Variants in SH3PXD2A observed in about 807,000 individuals in gnomAD.
SH3PXD2A encodes SH3 and PX domains 2A.
Under a neutral mutation model 115.2 loss-of-function variants are expected in SH3PXD2A, and 32 were observed. That is an observed-to-expected ratio of 0.28 (90% CI 0.21 to 0.37). SH3PXD2A has a LOEUF of 0.37. Among genes scored for constraint, SH3PXD2A ranks in the 10% least tolerant of loss-of-function variants. The pLI is 1.00. For synonymous variants in SH3PXD2A, 610 were observed against 629.1 expected (o/e 0.97, Z 0.45); for missense variants, 1,328 against 1,498.7 (o/e 0.89, Z 1.88).
intron 5 of SH3PXD2A, among the ~76,000 whole-genome samples, chr10:103,719,488 AAC>A (rs2038151494): frequency 6.6e-6 from 1 of 152,172 alleles, no homozygotes; most frequent in Non-Finnish European, 1.5e-5. Context: ...GCTGAATGAC[AAC>A]AATCATTCAT....
At chr10:103,727,768 A>G (rs944224325) in intron 4 of SH3PXD2A, among the ~76,000 whole-genome samples, 2 of 152,232 alleles carry the variant, frequency 1.3e-5, no homozygotes, top group Non-Finnish European at 2.9e-5. Context: ...CAACCGCAGC[A>G]TCTTTATTTA....
intron 5 of SH3PXD2A, among the ~76,000 whole-genome samples, chr10:103,709,686 T>C (rs576235883): frequency 5.9e-5 from 9 of 152,354 alleles, no homozygotes; most frequent in Admixed American, 3.3e-4. Context: ...TTCTAGCCCA[T>C]ATTTGCCAGT....
rs564098681 is a variant in SH3PXD2A at position 103,755,958 on chromosome 10, C to T, written c.229+11136G>A. Reference sequence around the variant, plus strand: ...CCTGTCCCTGACAGGTAGAGAAAGGCGAGGCTGCCAGCCAACCCCCACCCT... The same window carrying T: ...CCTGTCCCTGACAGGTAGAGAAAGGTGAGGCTGCCAGCCAACCCCCACCCT... On this transcript the variant is annotated intron_variant, in intron 3 of 14. Transcript: ENST00000369774. 3.9e-5 allele frequency among the ~76,000 whole-genome samples: 6 copies of T among 152,274 alleles called. No individual in the cohort carries two copies. The East Asian group carries it at 9.7e-4, about 25-fold the overall frequency.
chr10:103,827,418 A>G (rs2039441236), intron 1 of SH3PXD2A, among the ~76,000 whole-genome samples: 1 of 152,122 alleles, frequency 6.6e-6, no homozygotes, highest in Non-Finnish European at 1.5e-5. Flanking sequence ...TGCAAAGAGA[A>G]TGTGGTTTGG....
rs2038639516 is a variant in SH3PXD2A at position 103,756,232 on chromosome 10, A to G, written c.229+10862T>C. Among the ~76,000 whole-genome samples, 1 of 152,142 alleles carries G rather than the reference A, an allele frequency of 6.6e-6. No individual in the cohort carries two copies. Among genetic ancestry groups the G allele is most frequent in the African/African-American group, 2.4e-5 (1 of 41,446 alleles). On this transcript the variant is annotated intron_variant, in intron 3 of 14. Transcript: ENST00000369774. This position sits in a 1 kb window ranked among gnomAD's most constrained non-coding sequence, Gnocchi z 4.4. ...GGATGAATGATACATCAGTTCACAC[A>G]GGTGATGCCTAGAGCCAGCTCAGTC...
chr10:103,756,342 T>C lies in SH3PXD2A; in HGVS notation c.229+10752A>G, dbSNP rs1299980541. On this transcript the variant is annotated intron_variant, in intron 3 of 14. Transcript: ENST00000369774. This position sits in a 1 kb window ranked among gnomAD's most constrained non-coding sequence, Gnocchi z 4.4. ...GACCCAGGAGGGCAGTGTGCGGGAT[T>C]AGGCCAGGGACACTGTGGGAGTTTA... Among the ~76,000 whole-genome samples, 1 of 152,188 alleles carries C rather than the reference T, an allele frequency of 6.6e-6. No individual in the cohort carries two copies. The highest frequency in any genetic ancestry group is 1.5e-5 in the Non-Finnish European group (1 of 68,024).
chr10:103,668,572 A>G, intron 7 of SH3PXD2A, 36 bp downstream of exon 7: 8 of 1,537,828 alleles, frequency 5.2e-6, no homozygotes, highest in Non-Finnish European at 7.1e-6. Flanking sequence ...CCTGGAACAC[A>G]CATGCTCACA....
chr10:103,735,705 C>CA, intron 4 of SH3PXD2A, 27 bp downstream of exon 4: 3 of 1,508,600 alleles, frequency 2.0e-6, no homozygotes, highest in Non-Finnish European at 1.8e-6. Context: ...CCCCGAGCCC[C>CA]TCCCCCAGCC....
intron 3 of SH3PXD2A, among the ~76,000 whole-genome samples, chr10:103,760,427 A>G (rs2038687292): frequency 6.6e-6 from 1 of 152,060 alleles, no homozygotes; most frequent in Admixed American, 6.6e-5. Context: ...AAAATTAGCC[A>G]GGCATGGTGG....
At chr10:103,725,504 G>T (rs932384050) in intron 4 of SH3PXD2A, among the ~76,000 whole-genome samples, 38 of 152,260 alleles carry the variant, frequency 2.5e-4, no homozygotes, top group African/African-American at 9.1e-4. Context: ...AGAGTCTGCA[G>T]CTGGAAAGTG....
At chr10:103,758,888 T>C in intron 3 of SH3PXD2A, among the ~76,000 whole-genome samples, 1 of 152,202 alleles carries the variant, frequency 6.6e-6, no homozygotes, top group East Asian at 1.9e-4. Context: ...TTTCCTGACA[T>C]CCCAGGTCAC....
chr10:103,799,094 C>T (rs973474487), intron 2 of SH3PXD2A, among the ~76,000 whole-genome samples: 2 of 152,206 alleles, frequency 1.3e-5, no homozygotes, highest in East Asian at 1.9e-4. Flanking sequence ...GGAGCCTGTC[C>T]GGAGTTACGT....
At chr10:103,662,566 A>AT (rs1211978286) in intron 7 of SH3PXD2A, among the ~76,000 whole-genome samples, 2 of 150,140 alleles carry the variant, frequency 1.3e-5, no homozygotes, top group Non-Finnish European at 3.0e-5. Flanking sequence ...CGCCCGGCTA[A>AT]TTTTTTGTAT....
At chr10:103,806,419 G>A (rs1341946633) in intron 1 of SH3PXD2A, among the ~76,000 whole-genome samples, 1 of 151,810 alleles carries the variant, frequency 6.6e-6, no homozygotes, top group Non-Finnish European at 1.5e-5. Flanking sequence ...CTCAACACCA[G>A]AGCTTCTTAA....
chr10:103,741,992 A>G (rs900761367), intron 3 of SH3PXD2A, among the ~76,000 whole-genome samples: 1 of 152,032 alleles, frequency 6.6e-6, no homozygotes, highest in African/African-American at 2.4e-5. Flanking sequence ...AAAATGCTAT[A>G]AAAAAAATCA....
At chr10:103,650,211 G>GCCCTGCTCC (rs2037099015) in intron 8 of SH3PXD2A, among the ~76,000 whole-genome samples, 2 of 151,524 alleles carry the variant, frequency 1.3e-5, no homozygotes, top group African/African-American at 4.9e-5. Flanking sequence ...CAGCTGGAGA[G>GCCCTGCTCC]CCCTGCTCCC....
intron 8 of SH3PXD2A, among the ~76,000 whole-genome samples, chr10:103,631,096 C>A (rs985677380): frequency 1.3e-5 from 2 of 152,108 alleles, no homozygotes; most frequent in Non-Finnish European, 2.9e-5. Flanking sequence ...GAGACCCTAT[C>A]TCTACCAAAA....
At chr10:103,633,744 A>C (rs1194039883) in intron 8 of SH3PXD2A, among the ~76,000 whole-genome samples, 4 of 149,984 alleles carry the variant, frequency 2.7e-5, no homozygotes, top group African/African-American at 7.3e-5. Flanking sequence ...AAAAAAAAAA[A>C]AAAAAAAAAA....
Position 103,603,687 on chromosome 10 carries a change from T to C in SH3PXD2A, c.1531A>G (p.Ser511Gly), listed in dbSNP as rs2036256261. The C allele has an allele frequency of 6.2e-7, 1 of 1,608,840 alleles. No individual in the cohort carries two copies. The highest frequency in any genetic ancestry group is 8.5e-7 in the Non-Finnish European group (1 of 1,178,744). The change falls in exon 15 of 15, where the codon AGC (serine) becomes GGC (glycine). Residue 511 changes from serine to glycine, a missense_variant. This residue lies in a region of SH3PXD2A where 509 missense variants were observed against 628.3 expected (regional missense o/e 0.81). Coordinates refer to ENST00000369774, the MANE Select transcript of SH3PXD2A (RefSeq NM_001394015.1). ...YIDKRKKPNL[S>G]RRTSTLTRPK... ...CGGGTCAGCGTGCTTGTGCGGCGGC[T>C]CAGGTTGGGCTTCTTGCGCTTATCG...
Sources: allele counts gnomAD v4.1 joint callset (sites outside exome capture counted in the v4.1 genomes callset), GRCh38; gene constraint gnomAD v4.1.1; regional missense constraint gnomAD v4.1.1; non-coding constraint Gnocchi (gnomAD v3.1); transcripts MANE v1.5; gene names NCBI Gene and HGNC (gene_info 2026-07-23, HGNC 2026-07-21).